Variants in LYST observed in about 807,000 individuals in gnomAD.
LYST encodes the protein lysosomal-trafficking regulator.
LYST carries 192 observed loss-of-function variants against 413.6 expected under a neutral mutation model. That is an observed-to-expected ratio of 0.46 (90% confidence interval 0.41 to 0.52). LYST has a LOEUF of 0.52. Ranked by LOEUF, LYST falls within the 20% of genes least tolerant of loss-of-function variation. LYST has a pLI of 0.00. For synonymous variants in LYST, 1,525 were observed against 1,567.3 expected (o/e 0.97, Z 0.64); for missense variants, 3,815 against 4,499.9 (o/e 0.85, Z 4.35).
chr1:235,675,389 C>T lies in LYST; in HGVS notation c.11038+1702G>A, dbSNP rs139477588. Among the ~76,000 whole-genome samples, 4 of 152,282 alleles carry T rather than the reference C, an allele frequency of 2.6e-5. No homozygotes were observed. In the East Asian group the frequency reaches 5.8e-4, roughly 22 times the overall value. ...TGTGCAGTCTGACTCCAGCCAATGG[C>T]GAGAGGATACAGCAACAGGAGCTGT... On this transcript the variant is annotated intron_variant, in intron 50 of 52. Transcript: ENST00000389793.
chr1:235,740,200 GAT>G (rs1665233744), intron 31 of LYST, among the ~76,000 whole-genome samples: 1 of 152,018 alleles, frequency 6.6e-6, no homozygotes, highest in Non-Finnish European at 1.5e-5. Context: ...CTCCTAATAT[GAT>G]ATGTGTTTTC....
At chr1:235,814,940 C>G (rs950885953) in intron 3 of LYST, among the ~76,000 whole-genome samples, 1 of 152,200 alleles carries the variant, frequency 6.6e-6, no homozygotes, top group African/African-American at 2.4e-5. Flanking sequence ...CTACTGGTCT[C>G]TGTGCTCCCA....
chr1:235,773,810 T>C, intron 19 of LYST, 32 bp downstream of exon 19: 1 of 1,593,972 alleles, frequency 6.3e-7, no homozygotes, highest in Non-Finnish European at 8.6e-7. Context: ...TTTACCACAA[T>C]AAAAAATGGA....
intron 42 of LYST, chr1:235,713,319 CAA>C (rs1269403921): frequency 2.0e-6 from 1 of 494,860 alleles, no homozygotes; most frequent in African/African-American, 2.1e-5. Context: ...CAAAAACAAA[CAA>C]AAAAACTAAA....
intron 39 of LYST, 36 bp downstream of exon 39, chr1:235,723,992 T>TA: frequency 6.3e-7 from 1 of 1,579,042 alleles, no homozygotes; most frequent in Non-Finnish European, 8.7e-7. Context: ...CATGAGCACT[T>TA]AAACAATATA....
At chr1:235,737,955 ACG>A in intron 31 of LYST, 59 of 1,321,710 alleles carry the variant, frequency 4.5e-5, no homozygotes, top group South Asian at 2.9e-4. Flanking sequence ...CACCCGCCGG[ACG>A]TGCATTCTCG....
Position 235,674,402 on chromosome 1 carries a change from T to TA in LYST, c.11038+2688dup, listed in dbSNP as rs112302922. On this transcript the variant is annotated intron_variant, in intron 50 of 52. Coordinates refer to ENST00000389793, the MANE Select transcript of LYST (RefSeq NM_000081.4). The surrounding 1 kb of genome is among the most constrained non-coding windows in gnomAD (Gnocchi z 4.1). Reference sequence around the variant, plus strand: ...ATCAACCAAATAGAAAGAACAATCGTAAAAAAAAAAAAAAAAGTGTCCCCC... The same window carrying TA: ...ATCAACCAAATAGAAAGAACAATCGTAAAAAAAAAAAAAAAAAGTGTCCCCC... Among the ~76,000 whole-genome samples the TA allele has an allele frequency of 6.5e-3, 828 of 126,942 alleles. No homozygotes were observed. Among genetic ancestry groups the TA allele is most frequent in the Middle Eastern group, 8.3e-3 (2 of 242 alleles). 83.3% of individuals were successfully genotyped at this position (126,942 alleles called of 152,430 possible).
rs189653302 is a variant in LYST, at chr1:235,880,635, T to G, written n.454+2552A>C. ...CTGTTTTTACCAAGAGTATTTTTTC[T>G]ATTCTTGGTTCAGGGCTTTCCTTCT... On this transcript the variant is annotated intron_variant and non_coding_transcript_variant, in intron 1 of 11. Transcript: ENST00000465349. 3.4e-3 allele frequency among the ~76,000 whole-genome samples: 519 copies of G among 152,332 alleles called. 9 individuals carry two copies. Among genetic ancestry groups the G allele is most frequent in the Non-Finnish European group, 2.2e-3 (149 of 68,032 alleles).
chr1:235,869,268 G>C (rs919198226), upstream of LYST, among the ~76,000 whole-genome samples: 10 of 152,142 alleles, frequency 6.6e-5, no homozygotes, highest in African/African-American at 2.4e-4. Context: ...GTCAGGAGAT[G>C]GAGACCATCC....
rs541766636 is a variant in LYST at position 235,810,600 on chromosome 1, C to T, written c.284-66G>A. ...GTTTTAAAACTCAATTTTAAGGTGACAGCCCTCTTATTTATCTTAAACCCA... is the reference window on the plus strand; with the variant it reads ...GTTTTAAAACTCAATTTTAAGGTGATAGCCCTCTTATTTATCTTAAACCCA... On this transcript the variant is annotated intron_variant, in intron 4 of 52. Transcript: ENST00000389793. 28 of 1,398,704 alleles carry T rather than the reference C, an allele frequency of 2.0e-5. No homozygotes were observed. The South Asian group carries it at 2.9e-4, about 15-fold the overall frequency. The allele number at this position is 1,398,704 out of a possible 1,614,324, so 86.6% of individuals were successfully genotyped here. A position where few individuals can be genotyped will look rare whatever the true frequency, so the allele number is the denominator to read the frequency against.
intron 50 of LYST, among the ~76,000 whole-genome samples, chr1:235,666,714 A>G (rs751616829): frequency 6.6e-6 from 1 of 152,154 alleles, no homozygotes; most frequent in African/African-American, 2.4e-5. Flanking sequence ...CAGGAGACTC[A>G]GTATGCTAAA....
intron 47 of LYST, among the ~76,000 whole-genome samples, chr1:235,691,682 T>C (rs973807253): frequency 6.8e-6 from 1 of 147,812 alleles, no homozygotes; most frequent in African/African-American, 2.5e-5. Flanking sequence ...GTAAGTACTA[T>C]AAACATCAGA....
In LYST at chr1:235,672,264, G is replaced by T. The variant is rs111371650; in HGVS notation, c.11038+4827C>A. Among the ~76,000 whole-genome samples the T allele has an allele frequency of 6.6e-5, 10 of 152,288 alleles. No individual in the cohort carries two copies. The East Asian group carries it at 1.7e-3, about 26-fold the overall frequency. On this transcript the variant is annotated intron_variant, in intron 50 of 52. Transcript: ENST00000389793. Reference sequence around the variant, plus strand: ...TGGAACTGGAAAAATAAATTTAGGAGTCATTAGGGAATAACCATGACTTTG... The same window carrying T: ...TGGAACTGGAAAAATAAATTTAGGATTCATTAGGGAATAACCATGACTTTG...
intron 7 of LYST, 77 bp downstream of exon 7, chr1:235,804,427 A>G: frequency 9.0e-7 from 1 of 1,106,882 alleles, no homozygotes; most frequent in Non-Finnish European, 1.4e-6. Context: ...GACATTCATC[A>G]GCGTCCTAGT....
rs9662804 is a variant in LYST at position 235,705,391 on chromosome 1, T to A, written c.10144-2414A>T. ...ATTTCAGTCTTCAGATACTTTTTTT[T>A]AAAAAAAAAATTGAGACAGGGTCTT... On this transcript the variant is annotated intron_variant, in intron 44 of 52. Coordinates refer to ENST00000389793, the MANE Select transcript of LYST (RefSeq NM_000081.4). Among the ~76,000 whole-genome samples the A allele has an allele frequency of 3.9e-3, 580 of 150,536 alleles. 3 individuals are homozygous for A. The highest frequency in any genetic ancestry group is 0.012 in the African/African-American group (498 of 40,984).
At position 235,709,170 on chromosome 1, in the gene LYST, C is replaced by T; in HGVS notation, c.10064G>A (p.Cys3355Tyr). ...LESDYVSQNI[C>Y]QWIDLVFGYK... ...CCCAAACACCAAGTCAATCCACTGACAGATGTTCTGCGACACGTAGTCAGA... is the reference window on the plus strand; with the variant it reads ...CCCAAACACCAAGTCAATCCACTGATAGATGTTCTGCGACACGTAGTCAGA... Residue 3355 changes from cysteine (C) to tyrosine (Y), a missense_variant, in exon 44 of 53, where the codon TGT becomes TAT. By Grantham distance (194) the Cys-to-Tyr change is radical. Transcript: ENST00000389793. 1 of 1,614,134 alleles carries T rather than the reference C, an allele frequency of 6.2e-7. No individual in the cohort carries two copies. The highest frequency in any genetic ancestry group is 2.2e-5 in the East Asian group (1 of 44,878).
At position 235,857,464 on chromosome 1, in the gene LYST, A is replaced by G. The variant is rs115860826; in HGVS notation, c.-98+9379T>C. Reference sequence around the variant, plus strand: ...ATCTCTAGATGAACATTCAGAAGTCATTAACATATAGGTGGTATATGAAAG... The same window carrying G: ...ATCTCTAGATGAACATTCAGAAGTCGTTAACATATAGGTGGTATATGAAAG... On this transcript the variant is annotated intron_variant, in intron 1 of 52. Transcript: ENST00000389793. 6.6e-3 allele frequency among the ~76,000 whole-genome samples: 1,009 copies of G among 152,256 alleles called. 8 individuals are homozygous for G. Among genetic ancestry groups the G allele is most frequent in the Middle Eastern group, 0.044 (13 of 294 alleles).
intron 26 of LYST, 64 bp downstream of exon 26, chr1:235,752,980 A>T: frequency 1.1e-6 from 1 of 887,538 alleles, no homozygotes; most frequent in Non-Finnish European, 1.8e-6. Context: ...GTAAACTAAT[A>T]CTAAAGTTTT....
At chr1:235,804,728 AAAT>A in intron 6 of LYST, 63 bp from the exon 7 acceptor site, 2 of 968,238 alleles carry the variant, frequency 2.1e-6, no homozygotes, top group Non-Finnish European at 3.2e-6. Context: ...AATGATGAAA[AAAT>A]AAATAATAAA....
Sources: gnomAD v4.1 joint callset for allele counts (sites outside exome capture counted in the v4.1 genomes callset) on GRCh38, gnomAD v4.1.1 for gene constraint, Gnocchi (gnomAD v3.1) non-coding constraint, MANE v1.5 for transcripts, NCBI Gene and HGNC (gene_info 2026-07-23, HGNC 2026-07-21) for gene names.